STK32B: variants seen among roughly 807,000 people sequenced by gnomAD.
STK32B encodes the protein serine/threonine kinase 32B.
STK32B carries 43 observed loss-of-function variants against 52.6 expected under a neutral mutation model. The observed-to-expected ratio is 0.82, with a 90% CI of 0.64 to 1.05. The LOEUF (loss-of-function observed/expected upper bound fraction) is 1.05, where lower values mean the gene tolerates loss of function less well. Among genes scored for constraint, STK32B ranks in the 50% least tolerant of loss-of-function variants. STK32B has a pLI of 0.00. For missense variants in STK32B, 621 were observed against 534.6 expected (o/e 1.16, Z -1.59); for synonymous variants, 238 against 204.3 (o/e 1.17, Z -1.41).
At chr4:5,159,670 TATGAATATATATATGA>T (rs2108722455) in intron 2 of STK32B, among the ~76,000 whole-genome samples, 1 of 76,170 alleles carries the variant, frequency 1.3e-5, no homozygotes, top group Non-Finnish European at 2.7e-5. Context: ...TATGAATGTA[TATGAATATATATATGA>T]ATATATATGA....
intron 11 of STK32B, among the ~76,000 whole-genome samples, chr4:5,488,874 A>G (rs1719444906): frequency 6.6e-6 from 1 of 151,714 alleles, no homozygotes; most frequent in Non-Finnish European, 1.5e-5. Flanking sequence ...CCTCTGAATT[A>G]GACAAAACAT....
intron 7 of STK32B, among the ~76,000 whole-genome samples, chr4:5,451,333 C>A (rs1372790435): frequency 6.6e-6 from 1 of 152,110 alleles, no homozygotes; most frequent in East Asian, 1.9e-4. Flanking sequence ...AGGGCTGATT[C>A]AACAAACATT....
chr4:5,423,114 T>C (rs991634149), intron 6 of STK32B, among the ~76,000 whole-genome samples: 1 of 152,098 alleles, frequency 6.6e-6, no homozygotes, highest in Admixed American at 6.6e-5. Flanking sequence ...GGTTCAGTGC[T>C]GGAGACCACT....
intron 4 of STK32B, among the ~76,000 whole-genome samples, chr4:5,371,030 A>G (rs1013770805): frequency 6.0e-5 from 9 of 150,600 alleles, no homozygotes; most frequent in Non-Finnish European, 1.2e-4. Flanking sequence ...ATGTGTATAT[A>G]TATGTATATA....
intron 1 of STK32B, among the ~76,000 whole-genome samples, chr4:5,059,103 C>G (rs1742123282): frequency 1.8e-5 from 2 of 108,430 alleles, no homozygotes; most frequent in Non-Finnish European, 3.4e-5. Flanking sequence ...GTTTTGGGGT[C>G]TGTTGCCCAT....
intron 3 of STK32B, among the ~76,000 whole-genome samples, chr4:5,183,487 A>G (rs1720511375): frequency 6.6e-6 from 1 of 152,052 alleles, no homozygotes; most frequent in African/African-American, 2.4e-5. Flanking sequence ...CAAAAAAAAA[A>G]AAAAATTAAA....
chr4:5,427,190 C>G (rs1713178951), intron 6 of STK32B, among the ~76,000 whole-genome samples: 1 of 152,206 alleles, frequency 6.6e-6, no homozygotes, highest in Admixed American at 6.5e-5. Context: ...TGTTGAAATA[C>G]TGCTGACTGA....
intron 3 of STK32B, among the ~76,000 whole-genome samples, chr4:5,288,508 G>A (rs955737661): frequency 1.3e-4 from 19 of 151,962 alleles, no homozygotes; most frequent in African/African-American, 4.3e-4. Context: ...ATCTTTTCAT[G>A]GGTTTTTTGG....
intron 1 of STK32B, among the ~76,000 whole-genome samples, chr4:5,069,847 A>C (rs1001517494): frequency 1.3e-5 from 2 of 152,152 alleles, no homozygotes; most frequent in Admixed American, 6.5e-5. Context: ...TGTGTGGGCT[A>C]TGTTACCTTG....
intron 3 of STK32B, among the ~76,000 whole-genome samples, chr4:5,278,523 T>C (rs1253958001): frequency 6.6e-6 from 1 of 152,118 alleles, no homozygotes; most frequent in Non-Finnish European, 1.5e-5. Flanking sequence ...AACAAAAATC[T>C]GTCCGTCAGC....
chr4:5,238,085 TA>T (rs1486467182), intron 3 of STK32B, among the ~76,000 whole-genome samples: 1 of 152,126 alleles, frequency 6.6e-6, no homozygotes, highest in Non-Finnish European at 1.5e-5. Context: ...GTAGGAAGCA[TA>T]AAAAGTTGTA....
chr4:5,486,424 G>T (rs1335682104), intron 11 of STK32B, among the ~76,000 whole-genome samples: 3 of 152,230 alleles, frequency 2.0e-5, no homozygotes, highest in Non-Finnish European at 4.4e-5. Flanking sequence ...CGTTTGCTAA[G>T]ACCGTTGTAA....
At chr4:5,075,612 A>G (rs1712029903) in intron 1 of STK32B, among the ~76,000 whole-genome samples, 1 of 152,118 alleles carries the variant, frequency 6.6e-6, no homozygotes, top group Non-Finnish European at 1.5e-5. Context: ...ACCAAATTCA[A>G]TTTTGGTGCA....
chr4:5,225,748 A>C (rs1379504547), intron 3 of STK32B, among the ~76,000 whole-genome samples: 1 of 152,222 alleles, frequency 6.6e-6, no homozygotes, highest in Admixed American at 6.5e-5. Context: ...TCAAGGAAGG[A>C]ACAAGAGCAC....
chr4:5,264,481 TAAAAAA>T (rs943268678), intron 3 of STK32B, among the ~76,000 whole-genome samples: 1 of 139,304 alleles, frequency 7.2e-6, no homozygotes, highest in African/African-American at 3.1e-5. Context: ...TTTTAAAACT[TAAAAAA>T]AAAAATTGTT....
the STK32B span, among the ~76,000 whole-genome samples, chr4:5,025,176 T>A: frequency 6.6e-6 from 1 of 152,176 alleles, no homozygotes; most frequent in Non-Finnish European, 1.5e-5. Context: ...TACTCGGGGC[T>A]GTTTCCCTGC....
At chr4:5,485,228 A>G (rs1719053354) in intron 11 of STK32B, among the ~76,000 whole-genome samples, 1 of 151,960 alleles carries the variant, frequency 6.6e-6, no homozygotes, top group Admixed American at 6.6e-5. Flanking sequence ...AGGTACACCA[A>G]TCAGATGTAG....
At chr4:5,239,638 T>C (rs1180522327) in intron 3 of STK32B, among the ~76,000 whole-genome samples, 1 of 152,102 alleles carries the variant, frequency 6.6e-6, no homozygotes, top group African/African-American at 2.4e-5. Flanking sequence ...ACAAGTGGTG[T>C]GCATTCTCAG....
At chr4:5,332,601 T>G (rs1732345161) in intron 4 of STK32B, among the ~76,000 whole-genome samples, 1 of 152,118 alleles carries the variant, frequency 6.6e-6, no homozygotes, top group Non-Finnish European at 1.5e-5. Context: ...ACCCAATAAC[T>G]CGTCATTTAG....
Sources: gnomAD v4.1 joint callset for allele counts (sites outside exome capture counted in the v4.1 genomes callset) on GRCh38, gnomAD v4.1.1 for gene constraint, MANE v1.5 for transcripts, NCBI Gene and HGNC (gene_info 2026-07-23, HGNC 2026-07-21) for gene names.